The following MAST4 variants were observed in gnomAD, a reference collection of about 807,000 sequenced individuals.
MAST4 encodes the protein microtubule-associated serine/threonine-protein kinase 4.
In MAST4, 89 loss-of-function variants were observed where a neutral mutation model predicts 162.7. The observed-to-expected ratio is 0.55, with a 90% CI of 0.46 to 0.65. The LOEUF (loss-of-function observed/expected upper bound fraction) is 0.65, where lower values mean the gene tolerates loss of function less well. Among genes scored for constraint, MAST4 ranks in the 30% least tolerant of loss-of-function variants. The pLI is 0.00. For synonymous variants in MAST4, 1,479 were observed against 1,361.1 expected, an observed-to-expected ratio of 1.09 and a Z score of -1.91; for missense variants, 3,153 against 3,374.0, an observed-to-expected ratio of 0.93 and a Z score of 1.62.
intron 4 of MAST4, among the ~76,000 whole-genome samples, chr5:66,992,282 A>G (rs954417820): frequency 6.6e-6 from 1 of 152,168 alleles, no homozygotes; most frequent in Admixed American, 6.5e-5. Context: ...TACTCTTGAT[A>G]ACTATGAGGA....
At chr5:66,774,999 G>A (rs1349832804) in intron 2 of MAST4, among the ~76,000 whole-genome samples, 1 of 20,084 alleles carries the variant, frequency 5.0e-5, no homozygotes, top group Non-Finnish European at 2.4e-4. Context: ...CTTTTCCTGT[G>A]TGTGTGTGTG....
intron 1 of MAST4, among the ~76,000 whole-genome samples, chr5:66,719,975 G>A (rs1751092666): frequency 6.6e-6 from 1 of 152,142 alleles, no homozygotes; most frequent in Non-Finnish European, 1.5e-5. Flanking sequence ...TGTATCAGCA[G>A]TAGGAACAGA....
intron 1 of MAST4, among the ~76,000 whole-genome samples, chr5:66,654,067 G>A (rs915122470): frequency 9.2e-5 from 14 of 152,142 alleles, no homozygotes; most frequent in African/African-American, 2.7e-4. Context: ...TGCCCTCATC[G>A]TGCTTACAGA....
chr5:67,099,287 T>A (rs1462021589), intron 7 of MAST4, among the ~76,000 whole-genome samples: 3 of 152,116 alleles, frequency 2.0e-5, no homozygotes, highest in Non-Finnish European at 4.4e-5. Flanking sequence ...CTTTGATTTA[T>A]CTCATAAGTC....
At chr5:66,993,365 A>G (rs953262919) in intron 4 of MAST4, among the ~76,000 whole-genome samples, 1 of 152,208 alleles carries the variant, frequency 6.6e-6, no homozygotes, top group Non-Finnish European at 1.5e-5. Context: ...GTGTACTTTG[A>G]GACATACACA....
In MAST4 at chr5:67,165,808, G is replaced by T. The variant is rs763252356; in HGVS notation, c.6629G>T (p.Arg2210Leu). The change falls in exon 29 of 29, where the codon CGG becomes CTG. Residue 2210 changes from arginine (R) to leucine (L), a missense_variant. Around this residue, in one of 7 missense-constraint regions of MAST4, gnomAD observed 1,644 missense variants for 1,495.0 expected, o/e 1.10. Coordinates refer to ENST00000403625, the MANE Select transcript of MAST4 (RefSeq NM_001164664.2). Reference protein sequence around the residue: ...PGPPKTKHPDRSLSSQKPSVG... With the variant: ...PGPPKTKHPDLSLSSQKPSVG... ...CCTCCAAAGACTAAGCACCCCGACC[G>T]GTCCCTCTCCTCTCAGAAACCAAGT... 22 of 1,611,898 alleles carry T rather than the reference G, an allele frequency of 1.4e-5. No individual in the cohort carries two copies. Among genetic ancestry groups the T allele is most frequent in the Non-Finnish European group, 1.8e-5 (21 of 1,179,392 alleles).
chr5:66,790,127 C>A (rs916832541), intron 3 of MAST4, among the ~76,000 whole-genome samples: 4 of 149,614 alleles, frequency 2.7e-5, no homozygotes, highest in East Asian at 2.0e-4. Flanking sequence ...TTTTAAACAC[C>A]TTTTATTGAT....
intron 4 of MAST4, among the ~76,000 whole-genome samples, chr5:67,014,441 C>A (rs892910969): frequency 6.6e-6 from 1 of 152,140 alleles, no homozygotes; most frequent in Non-Finnish European, 1.5e-5. Context: ...GTTATGGATT[C>A]TGCAAAATAA....
chr5:66,772,116 T>C (rs543056904), intron 2 of MAST4, among the ~76,000 whole-genome samples: 2 of 152,344 alleles, frequency 1.3e-5, no homozygotes, highest in African/African-American at 4.8e-5. Flanking sequence ...GAAAGATTTA[T>C]TGAAATGCTA....
At chr5:67,029,357 G>A (rs1755041544) in intron 4 of MAST4, among the ~76,000 whole-genome samples, 1 of 152,110 alleles carries the variant, frequency 6.6e-6, no homozygotes, top group South Asian at 2.1e-4. Flanking sequence ...AAGCCATAGA[G>A]CCATCCTTAT....
intron 1 of MAST4, among the ~76,000 whole-genome samples, chr5:66,659,122 G>A (rs1012777756): frequency 6.6e-6 from 1 of 152,156 alleles, no homozygotes; most frequent in African/African-American, 2.4e-5. Context: ...TGATGGTGGC[G>A]GGAGGCAGAC....
intron 2 of MAST4, among the ~76,000 whole-genome samples, chr5:66,767,170 CGT>C (rs60766673): frequency 0.11 from 15,773 of 139,354 alleles, 920 homozygotes; most frequent in African/African-American, 0.13. Flanking sequence ...GTAAAGTGCA[CGT>C]GTGTGTGTGT....
intron 3 of MAST4, among the ~76,000 whole-genome samples, chr5:66,857,049 G>A (rs761574259): frequency 2.6e-5 from 4 of 152,114 alleles, no homozygotes; most frequent in Non-Finnish European, 4.4e-5. Context: ...TAACAGGACC[G>A]AAAACCCCTC....
chr5:67,149,873 G>A (rs59798058), intron 24 of MAST4, among the ~76,000 whole-genome samples: 2,874 of 152,002 alleles, frequency 0.019, 56 homozygotes, highest in East Asian at 0.066. Flanking sequence ...GTTTCCTTTC[G>A]TTTTCTTTTC....
chr5:66,677,862 G>A (rs1022260440), intron 1 of MAST4, among the ~76,000 whole-genome samples: 1 of 152,134 alleles, frequency 6.6e-6, no homozygotes, highest in Non-Finnish European at 1.5e-5. Flanking sequence ...CAGGGTTCTT[G>A]TGATGTAGCT....
At chr5:67,130,680 A>G (rs1768858103) in intron 15 of MAST4, among the ~76,000 whole-genome samples, 1 of 152,092 alleles carries the variant, frequency 6.6e-6, no homozygotes, top group African/African-American at 2.4e-5. Flanking sequence ...CCTCCTCTCA[A>G]TTGGTCATTA....
intron 4 of MAST4, among the ~76,000 whole-genome samples, chr5:67,012,866 TA>T (rs1280954126): frequency 2.0e-5 from 3 of 152,204 alleles, no homozygotes; most frequent in African/African-American, 7.2e-5. Context: ...TGGACATGCC[TA>T]TTTGAGAAGG....
At chr5:66,942,247 TGGA>T (rs1743447581) in intron 4 of MAST4, among the ~76,000 whole-genome samples, 1 of 152,136 alleles carries the variant, frequency 6.6e-6, no homozygotes, top group South Asian at 2.1e-4. Flanking sequence ...AAAATTATAC[TGGA>T]AGACTATGAT....
In MAST4 at chr5:67,095,648, G is replaced by A; in HGVS notation, c.885G>A (p.Gly295=). The change falls in exon 7 of 29, where the codon GGG becomes GGA. Residue 295 remains glycine, a synonymous_variant. Coordinates refer to ENST00000403625, the MANE Select transcript of MAST4 (RefSeq NM_001164664.2). ...SLASLPSSGY[G]TNTPSSTVSS... ...CTTCTCTCCCTTCCTCTGGCTATGG[G>A]ACAAACACACCCAGCTCTACGGTCT... 1 of 1,607,794 alleles carries A rather than the reference G, an allele frequency of 6.2e-7. No homozygotes were observed. The highest frequency in any genetic ancestry group is 1.1e-5 in the South Asian group (1 of 89,784).
Sources: allele counts gnomAD v4.1 joint callset (sites outside exome capture counted in the v4.1 genomes callset), GRCh38; gene constraint gnomAD v4.1.1; regional missense constraint gnomAD v4.1.1; transcripts MANE v1.5; gene names NCBI Gene and HGNC (gene_info 2026-07-23, HGNC 2026-07-21).